Variants in PAK4 observed in about 807,000 individuals in gnomAD.
PAK4 encodes the protein p21 (RAC1) activated kinase 4, also known as serine/threonine-protein kinase PAK 4.
In PAK4, 49 loss-of-function variants were observed where a neutral mutation model predicts 53.5. The ratio of observed to expected loss-of-function variants is 0.92; its 90% CI spans 0.73 to 1.16. The LOEUF (loss-of-function observed/expected upper bound fraction) is 1.16, where lower values mean the gene tolerates loss of function less well. PAK4 is among the 50% of genes most tolerant of loss of function. The pLI is 0.00. For missense variants in PAK4, 824 were observed against 850.7 expected (o/e 0.97, Z 0.39); for synonymous variants, 376 against 375.6 (o/e 1.00, Z -0.01).
intron 1 of PAK4, among the ~76,000 whole-genome samples, chr19:39,138,212 T>A (rs73549600): frequency 0.019 from 2,892 of 151,962 alleles, 97 homozygotes; most frequent in African/African-American, 0.066. Context: ...GTTCTCAAAC[T>A]TTTTTTTGTT....
chr19:39,133,472 T>C lies in PAK4; in HGVS notation c.-23+7553T>C, dbSNP rs375636095. Among the ~76,000 whole-genome samples, 4 of 152,136 alleles carry C rather than the reference T, an allele frequency of 2.6e-5. No homozygotes were observed. The East Asian group carries it at 7.7e-4, about 29-fold the overall frequency. ...TTTTCTAGGGAGGAGACTGAGAGCCTGGGGGACCTGGCCCCGTCACAGAGC... is the reference window on the plus strand; with the variant it reads ...TTTTCTAGGGAGGAGACTGAGAGCCCGGGGGACCTGGCCCCGTCACAGAGC... On this transcript the variant is annotated intron_variant, in intron 1 of 8. Coordinates refer to ENST00000358301, the Ensembl canonical transcript of PAK4.
intron 2 of PAK4, among the ~76,000 whole-genome samples, chr19:39,170,832 AC>A (rs2074464596): frequency 6.6e-6 from 1 of 152,204 alleles, no homozygotes; most frequent in Non-Finnish European, 1.5e-5. Flanking sequence ...TGAGAAAGTG[AC>A]AGACTTCACT....
intron 1 of PAK4, among the ~76,000 whole-genome samples, chr19:39,134,570 C>T (rs2073775548): frequency 6.6e-6 from 1 of 151,892 alleles, no homozygotes; most frequent in African/African-American, 2.4e-5. Context: ...CTGAGTGTAT[C>T]TGTAGTCATT....
chr19:39,162,100 C>T (rs1235006777), intron 1 of PAK4, among the ~76,000 whole-genome samples: 1 of 152,132 alleles, frequency 6.6e-6, no homozygotes, highest in African/African-American at 2.4e-5. Context: ...GCTGGGACTA[C>T]AGGCGCCTGC....
At chr19:39,165,515 A>AAAATAAATAAATAAATAAATAAATAAAT (rs57100878) in intron 1 of PAK4, among the ~76,000 whole-genome samples, 3 of 135,078 alleles carry the variant, frequency 2.2e-5, no homozygotes, top group East Asian at 4.7e-4. Context: ...ACTCCCTCTC[A>AAAATAAATAAATAAATAAATAAATAAAT]AAATAAATAA....
chr19:39,132,142 G>A (rs570279575), intron 1 of PAK4, among the ~76,000 whole-genome samples: 2 of 152,226 alleles, frequency 1.3e-5, no homozygotes, highest in Non-Finnish European at 2.9e-5. Flanking sequence ...GCATGGTCAT[G>A]TGGCTGTACC....
At chr19:39,141,204 C>T (rs1406522733) in intron 1 of PAK4, among the ~76,000 whole-genome samples, 6 of 152,188 alleles carry the variant, frequency 3.9e-5, no homozygotes, top group Admixed American at 6.5e-5. Context: ...GCCTGCTCCT[C>T]ACCTCCCTGC....
chr19:39,177,840 G>A (rs754008285), intron 8 of PAK4, 31 bp downstream of exon 9: 8 of 1,586,112 alleles, frequency 5.0e-6, no homozygotes, highest in Middle Eastern at 1.7e-4. Flanking sequence ...GAAACTGTGC[G>A]CCAGCTGGCG....
chr19:39,169,389 G>T, intron 1 of PAK4, 143 bp from the exon 3 acceptor site: 1 of 650,916 alleles, frequency 1.5e-6, no homozygotes, highest in Non-Finnish European at 2.8e-6. Context: ...GATGGGCGCA[G>T]GGGGTGGGCA....
chr19:39,148,925 C>T (rs536166371), intron 1 of PAK4, among the ~76,000 whole-genome samples: 11 of 152,096 alleles, frequency 7.2e-5, no homozygotes, highest in African/African-American at 1.7e-4. Flanking sequence ...TGCTGTCTTT[C>T]CTCTGTTGAA....
chr19:39,179,423 G>C (rs1049688018), downstream of PAK4: 5 of 78,050 alleles, frequency 6.4e-5, no homozygotes, highest in Non-Finnish European at 1.7e-4. Flanking sequence ...TGCGATGTGT[G>C]GGGGGCAGGG....
Position 39,127,127 on chromosome 19 carries a change from G to A in PAK4, c.-23+1208G>A, listed in dbSNP as rs576523463. 1.4e-4 allele frequency among the ~76,000 whole-genome samples: 21 copies of A among 152,140 alleles called. No homozygotes were observed. In the South Asian group the frequency reaches 4.1e-3, roughly 30 times the overall value. ...GGTGTTTGTAGGTGGTCTGGAGTCC[G>A]AGCAAGGGAGTCCGACGGGCTTCTG... On this transcript the variant is annotated intron_variant, in intron 1 of 8. Coordinates refer to ENST00000358301, the Ensembl canonical transcript of PAK4.
chr19:39,157,405 G>A (rs947002335), intron 1 of PAK4, among the ~76,000 whole-genome samples: 3 of 152,108 alleles, frequency 2.0e-5, no homozygotes, highest in African/African-American at 7.2e-5. Context: ...GGGTGCACGA[G>A]TCTTTGCAGT....
At chr19:39,129,998 G>A (rs1432641167) in intron 1 of PAK4, among the ~76,000 whole-genome samples, 1 of 151,972 alleles carries the variant, frequency 6.6e-6, no homozygotes, top group African/African-American at 2.4e-5. Context: ...TTATAGTACA[G>A]TGAAGGAGAC....
At chr19:39,174,660 C>T (rs536719088) in intron 4 of PAK4, among the ~76,000 whole-genome samples, 130 of 152,248 alleles carry the variant, frequency 8.5e-4, no homozygotes, top group African/African-American at 2.6e-3. Context: ...TGTGATTGAA[C>T]GCTCTCTTCC....
chr19:39,167,314 C>T (rs984347232), intron 1 of PAK4, among the ~76,000 whole-genome samples: 2 of 152,106 alleles, frequency 1.3e-5, no homozygotes, highest in East Asian at 1.9e-4. Context: ...TCTGGGAGGA[C>T]GGAGAGGCCG....
At chr19:39,133,324 T>C (rs1023530243) in intron 1 of PAK4, among the ~76,000 whole-genome samples, 7 of 152,364 alleles carry the variant, frequency 4.6e-5, no homozygotes, top group African/African-American at 1.7e-4. Flanking sequence ...ATTATTAATA[T>C]TATAGCTATG....
At chr19:39,132,234 A>C (rs1432430935) in intron 1 of PAK4, among the ~76,000 whole-genome samples, 1 of 152,116 alleles carries the variant, frequency 6.6e-6, no homozygotes, top group Non-Finnish European at 1.5e-5. Flanking sequence ...TTTTTCCTCC[A>C]TGTGCATGCA....
chr19:39,159,197 AC>A (rs1568514564), intron 1 of PAK4, among the ~76,000 whole-genome samples: 2 of 152,036 alleles, frequency 1.3e-5, no homozygotes, highest in East Asian at 3.9e-4. Context: ...TCGGCTCTTA[AC>A]CACCAGTACA....
Sources: gnomAD v4.1 joint callset for allele counts (sites outside exome capture counted in the v4.1 genomes callset) on GRCh38, gnomAD v4.1.1 for gene constraint, MANE v1.5 for transcripts, NCBI Gene and HGNC (gene_info 2026-07-23, HGNC 2026-07-21) for gene names.